PRSS38: variants seen among roughly 807,000 people sequenced by gnomAD.
The protein encoded by PRSS38 is serine protease 38, also known as marapsin 2.
PRSS38 carries 22 observed loss-of-function variants against 26.8 expected under a neutral mutation model. That is an observed-to-expected ratio of 0.82 (90% CI 0.59 to 1.17). The LOEUF is 1.17. PRSS38 is among the 50% of genes most tolerant of loss of function. The pLI is 0.00. For synonymous variants in PRSS38, 175 were observed against 172.1 expected, an observed-to-expected ratio of 1.02 and a Z score of -0.13; for missense variants, 427 against 422.7, an observed-to-expected ratio of 1.01 and a Z score of -0.09.
At chr1:227,829,345 G>T (rs575135892) in intron 3 of PRSS38, among the ~76,000 whole-genome samples, 2 of 151,936 alleles carry the variant, frequency 1.3e-5, no homozygotes, top group African/African-American at 4.8e-5. Context: ...AGTGTGAGAC[G>T]GTATCTCACT....
chr1:227,830,082 ATATAT>A (rs1240499645), intron 3 of PRSS38, among the ~76,000 whole-genome samples: 8 of 152,086 alleles, frequency 5.3e-5, no homozygotes, highest in Non-Finnish European at 1.0e-4. Context: ...TATGTTATTG[ATATAT>A]TATATTCAAT....
chr1:227,824,919 G>GT (rs1272873121), intron 3 of PRSS38, among the ~76,000 whole-genome samples: 13 of 151,744 alleles, frequency 8.6e-5, no homozygotes, highest in Admixed American at 2.0e-4. Context: ...GGGGCTGTTT[G>GT]TTTTTTTTCT....
chr1:227,842,313 T>TC (rs920638511), intron 3 of PRSS38, among the ~76,000 whole-genome samples: 2 of 152,270 alleles, frequency 1.3e-5, no homozygotes, highest in Admixed American at 1.3e-4. Context: ...CTCTGCCCTC[T>TC]CTCCCTTCTT....
At position 227,817,032 on chromosome 1, in the gene PRSS38, A is replaced by C. The variant is rs536297119; in HGVS notation, c.312-177A>C. Among the ~76,000 whole-genome samples, 25 of 151,666 alleles carry C rather than the reference A, an allele frequency of 1.6e-4. No homozygotes were observed. In the East Asian group the frequency reaches 3.3e-3, roughly 20 times the overall value. On this transcript the variant is annotated intron_variant, in intron 2 of 4. Transcript: ENST00000366757. Reference sequence around the variant, plus strand: ...CCCAGAGCCTCCATGGGCCAAGTCGACTCTTTAGGGGGCAACTCTTCCAGA... The same window carrying C: ...CCCAGAGCCTCCATGGGCCAAGTCGCCTCTTTAGGGGGCAACTCTTCCAGA...
At chr1:227,832,707 G>T (rs964064844) in intron 3 of PRSS38, among the ~76,000 whole-genome samples, 2 of 152,154 alleles carry the variant, frequency 1.3e-5, no homozygotes, top group African/African-American at 2.4e-5. Flanking sequence ...TGGAAATGCA[G>T]AAGTAAAACT....
exon 3 of PRSS38, chr1:227,817,292 T>A: frequency 1.9e-6 from 3 of 1,614,008 alleles, no homozygotes; most frequent in Non-Finnish European, 2.5e-6. Flanking sequence ...TGGTATGAGG[T>A]GAACAGGGTG....
rs572766061 is a variant in PRSS38 at position 227,845,699 on chromosome 1, C to T, written c.726+87C>T. On this transcript the variant is annotated intron_variant, in intron 4 of 4. Coordinates refer to ENST00000366757, the Ensembl canonical transcript of PRSS38. The stretch of plus-strand genomic sequence containing the variant: ...GGACCCCACTCTGGCCTCCCACTGA[C>T]TAGCAGGAGCCCTGCAGCCATGCCC... The T allele has an allele frequency of 2.0e-4, 295 of 1,464,660 alleles. 4 individuals are homozygous for T. The South Asian group carries it at 2.9e-3, about 15-fold the overall frequency. 90.7% of individuals were successfully genotyped at this position (1,464,660 alleles called of 1,614,324 possible). A position where few individuals can be genotyped will look rare whatever the true frequency, so the allele number is the denominator to read the frequency against.
exon 1 of PRSS38, chr1:227,815,785 G>A: frequency 6.2e-7 from 1 of 1,612,500 alleles, no homozygotes; most frequent in Non-Finnish European, 8.5e-7. Context: ...TGCTGCTCCT[G>A]GTGGTGGCCC....
At chr1:227,817,989 T>C (rs758001048) in intron 3 of PRSS38, among the ~76,000 whole-genome samples, 4 of 152,184 alleles carry the variant, frequency 2.6e-5, no homozygotes, top group Non-Finnish European at 5.9e-5. Flanking sequence ...ATAGAATTTA[T>C]TTTTAGTAGT....
In PRSS38 at chr1:227,828,761, C is replaced by A. The variant is rs903047389; in HGVS notation, c.583+11281C>A. 3.9e-5 allele frequency among the ~76,000 whole-genome samples: 6 copies of A among 152,274 alleles called. No individual in the cohort carries two copies. In the South Asian group the frequency reaches 6.2e-4, roughly 16 times the overall value. On this transcript the variant is annotated intron_variant, in intron 3 of 4. Coordinates refer to ENST00000366757, the Ensembl canonical transcript of PRSS38. ...GTTCCTTCTCACAAGGGACCACCCC[C>A]CAGGGTTATGTAGGGACAGGTTTCC...
chr1:227,830,885 T>A (rs1665145048), intron 3 of PRSS38, among the ~76,000 whole-genome samples: 1 of 152,158 alleles, frequency 6.6e-6, no homozygotes. Context: ...ATAGTAGTAA[T>A]ATTTCATCTT....
Position 227,817,492 on chromosome 1 carries a change from G to C in PRSS38, c.583+12G>C. On this transcript the variant is annotated intron_variant, in intron 3 of 4. Transcript: ENST00000366757. ...AGTCTCAAAACAAGGTAGGAATACAGTGCAGGGCTTTGTGGGCAGGATGAA... is the reference window on the plus strand; with the variant it reads ...AGTCTCAAAACAAGGTAGGAATACACTGCAGGGCTTTGTGGGCAGGATGAA... 1.9e-6 allele frequency: 3 copies of C among 1,612,012 alleles called. No individual in the cohort carries two copies. Among genetic ancestry groups the C allele is most frequent in the Non-Finnish European group, 2.5e-6 (3 of 1,178,198 alleles).
intron 3 of PRSS38, among the ~76,000 whole-genome samples, chr1:227,831,207 C>T (rs1253281343): frequency 3.3e-5 from 5 of 152,098 alleles, no homozygotes; most frequent in Admixed American, 2.6e-4. Context: ...ATGCTTCCCA[C>T]AAATTTTGGT....
chr1:227,822,280 A>C (rs1460133506), intron 3 of PRSS38, among the ~76,000 whole-genome samples: 1 of 151,770 alleles, frequency 6.6e-6, no homozygotes, highest in Non-Finnish European at 1.5e-5. Flanking sequence ...TAGCTCTTTG[A>C]GCATATTTAA....
chr1:227,831,357 C>CT (rs1240301731), intron 3 of PRSS38, among the ~76,000 whole-genome samples: 1 of 152,022 alleles, frequency 6.6e-6, no homozygotes, highest in Non-Finnish European at 1.5e-5. Flanking sequence ...CTTTAATGCC[C>CT]TTGTGCTTAG....
intron 3 of PRSS38, among the ~76,000 whole-genome samples, chr1:227,829,665 CTTGA>C (rs1665124018): frequency 6.6e-6 from 1 of 152,134 alleles, no homozygotes; most frequent in African/African-American, 2.4e-5. Flanking sequence ...TTGAAGTACA[CTTGA>C]TTTTTATTCA....
Position 227,840,246 on chromosome 1 carries a change from T to C in PRSS38, c.584-5224T>C, listed in dbSNP as rs139893310. On this transcript the variant is annotated intron_variant, in intron 3 of 4. Coordinates refer to ENST00000366757, the Ensembl canonical transcript of PRSS38. Reference sequence around the variant, plus strand: ...AAGCAGTCCTCCCACTTCAGCCTCCTGAGTAGCTGGGACTATAGGCGTGTG... The same window carrying C: ...AAGCAGTCCTCCCACTTCAGCCTCCCGAGTAGCTGGGACTATAGGCGTGTG... 9.6e-3 allele frequency among the ~76,000 whole-genome samples: 1,468 copies of C among 152,226 alleles called. 19 individuals carry two copies. Among genetic ancestry groups the C allele is most frequent in the African/African-American group, 0.034 (1,397 of 41,554 alleles).
intron 3 of PRSS38, among the ~76,000 whole-genome samples, chr1:227,827,567 A>T (rs1665093098): frequency 6.7e-6 from 1 of 148,772 alleles, no homozygotes. Flanking sequence ...TGTTTATTTG[A>T]TTCTTCTCTC....
chr1:227,828,215 C>G (rs546411107), intron 3 of PRSS38, among the ~76,000 whole-genome samples: 76 of 152,188 alleles, frequency 5.0e-4, no homozygotes, highest in African/African-American at 1.7e-3. Flanking sequence ...CCACTTGATC[C>G]AGATCTGAGT....
Sources: allele counts gnomAD v4.1 joint callset (sites outside exome capture counted in the v4.1 genomes callset), GRCh38; gene constraint gnomAD v4.1.1; transcripts MANE v1.5; gene names NCBI Gene and HGNC (gene_info 2026-07-23, HGNC 2026-07-21).